ZNF578: variants seen among roughly 807,000 people sequenced by gnomAD.
The protein encoded by ZNF578 is Putative chemokine-related protein B42.
A neutral mutation model predicts 8.3 loss-of-function variants in ZNF578; 8 were observed. The ratio of observed to expected loss-of-function variants is 0.96; its 90% CI spans 0.56 to 1.74. The LOEUF (loss-of-function observed/expected upper bound fraction) is 1.74. Among genes scored for constraint, ZNF578 ranks in the 40% most tolerant of loss-of-function variants. The pLI, the probability that ZNF578 is intolerant of heterozygous loss-of-function variation, is 0.00. For synonymous variants in ZNF578, 206 were observed against 232.2 expected (o/e 0.89, Z 1.03); for missense variants, 726 against 707.5 (o/e 1.03, Z -0.30).
chr19:52,496,572 G>A (rs1484144347), intron 3 of ZNF578, among the ~76,000 whole-genome samples: 4 of 146,420 alleles, frequency 2.7e-5, no homozygotes, highest in Middle Eastern at 3.7e-3. Flanking sequence ...CTCGTGATCC[G>A]CCCGCCTCAG....
At chr19:52,481,817 A>G (rs1380178594) in intron 2 of ZNF578, among the ~76,000 whole-genome samples, 4 of 151,568 alleles carry the variant, frequency 2.6e-5, no homozygotes, top group Admixed American at 2.0e-4. Flanking sequence ...TGCAGCCTTG[A>G]CCTGCTAGGC....
chr19:52,456,516 G>A (rs1331880334), intron 1 of ZNF578: 1 of 152,466 alleles, frequency 6.6e-6, no homozygotes, highest in Non-Finnish European at 1.5e-5. Context: ...CACAGAGAGG[G>A]GAGAGGCTGT....
chr19:52,512,564 A>G lies in ZNF578; in HGVS notation c.*410A>G, dbSNP rs1425595038. Among the ~76,000 whole-genome samples the G allele has an allele frequency of 6.6e-6, 1 of 152,188 alleles. No individual in the cohort carries two copies. The highest frequency in any genetic ancestry group is 6.5e-5 in the Admixed American group (1 of 15,268). ...AGTCAAGCTTCATCCTATGCAAAACATAGGAGAATTCATGCAGGAGAGAAA... is the reference window on the plus strand; with the variant it reads ...AGTCAAGCTTCATCCTATGCAAAACGTAGGAGAATTCATGCAGGAGAGAAA... On this transcript the variant is annotated 3_prime_UTR_variant, in exon 6 of 6. Transcript: ENST00000421239.
chr19:52,490,572 A>G (rs1262748598), intron 2 of ZNF578, among the ~76,000 whole-genome samples: 1 of 152,232 alleles, frequency 6.6e-6, no homozygotes, highest in East Asian at 1.9e-4. Context: ...AGTTAAATTC[A>G]GTAAGTCCCT....
At chr19:52,486,818 T>G (rs1017258836) in intron 2 of ZNF578, among the ~76,000 whole-genome samples, 5 of 151,178 alleles carry the variant, frequency 3.3e-5, no homozygotes, top group Non-Finnish European at 7.4e-5. Flanking sequence ...ATGATTGAAA[T>G]ATTGGGGAGA....
At chr19:52,481,856 G>A (rs1022114391) in intron 2 of ZNF578, among the ~76,000 whole-genome samples, 6 of 151,882 alleles carry the variant, frequency 4.0e-5, no homozygotes, top group East Asian at 1.9e-4. Context: ...TCAGCCTCCC[G>A]AGTAGCTGGG....
In ZNF578 at chr19:52,501,564, G is replaced by A. The variant is rs543560453; in HGVS notation, c.-19-263G>A. 9.2e-4 allele frequency among the ~76,000 whole-genome samples: 140 copies of A among 152,274 alleles called. 1 individual carries two copies. The highest frequency in any genetic ancestry group is 9.1e-3 in the Admixed American group (139 of 15,292). On this transcript the variant is annotated intron_variant, in intron 3 of 5. Transcript: ENST00000421239. ...TCAGGGATGGGTCTGTGCCCTGAAGGAGAGATCAGTCCAGCCCAGCTCCCC... is the reference window on the plus strand; with the variant it reads ...TCAGGGATGGGTCTGTGCCCTGAAGAAGAGATCAGTCCAGCCCAGCTCCCC...
intron 4 of ZNF578, among the ~76,000 whole-genome samples, chr19:52,503,234 G>T (rs1265348623): frequency 1.3e-5 from 2 of 152,178 alleles, no homozygotes; most frequent in Non-Finnish European, 1.5e-5. Context: ...AGGCTGGAGT[G>T]CAGTAATGCA....
At chr19:52,502,047 A>T in intron 4 of ZNF578, 139 bp downstream of exon 4, 3 of 1,344,092 alleles carry the variant, frequency 2.2e-6, no homozygotes, top group Non-Finnish European at 3.0e-6. Context: ...GTTTGCTTGC[A>T]CTCACCCATG....
rs556778715 is a variant in ZNF578, at chr19:52,510,834, T to G, written c.453T>G (p.Pro151=). 1 of 1,614,108 alleles carries G rather than the reference T, an allele frequency of 6.2e-7. No individual in the cohort carries two copies. The highest frequency in any genetic ancestry group is 1.3e-5 in the African/African-American group (1 of 74,946). ...ATCAAAGGCATGCTGGAAACAAGCC[T>G]ATTAAAGATCAGCTTGGATTAAGCT... The part of the protein sequence containing the change: ...RHDQRHAGNK[P]IKDQLGLSFH... The change falls in exon 6 of 6, where the codon CCT becomes CCG. Residue 151 remains proline (P), a synonymous_variant. Transcript: ENST00000421239.
At chr19:52,472,688 C>G (rs898331037) in intron 2 of ZNF578, among the ~76,000 whole-genome samples, 4 of 152,120 alleles carry the variant, frequency 2.6e-5, no homozygotes, top group African/African-American at 9.7e-5. Context: ...CTAAGCCATT[C>G]TGTAAGGAAA....
intron 2 of ZNF578, among the ~76,000 whole-genome samples, chr19:52,477,792 A>G (rs1460368521): frequency 6.6e-6 from 1 of 152,208 alleles, no homozygotes; most frequent in Admixed American, 6.5e-5. Context: ...CTGCATTTGC[A>G]TTCTGAAAAG....
intron 3 of ZNF578, among the ~76,000 whole-genome samples, chr19:52,493,482 C>T (rs2059373995): frequency 2.6e-5 from 4 of 152,308 alleles, no homozygotes; most frequent in Admixed American, 2.0e-4. Context: ...AGGAGTCTTA[C>T]TCCAAACCCG....
At chr19:52,508,664 G>A (rs1400375879) in intron 5 of ZNF578, among the ~76,000 whole-genome samples, 1 of 151,562 alleles carries the variant, frequency 6.6e-6, no homozygotes, top group Non-Finnish European at 1.5e-5. Context: ...GTGTGGTGGT[G>A]AATGCCTGTA....
At chr19:52,465,755 AT>A in intron 2 of ZNF578, among the ~76,000 whole-genome samples, 1 of 152,304 alleles carries the variant, frequency 6.6e-6, no homozygotes, top group South Asian at 2.1e-4. Context: ...TGGCGTACTT[AT>A]ATTCAGTTTG....
chr19:52,489,664 A>T (rs2059358392), intron 2 of ZNF578, among the ~76,000 whole-genome samples: 1 of 151,994 alleles, frequency 6.6e-6, no homozygotes, highest in African/African-American at 2.4e-5. Context: ...CCCATGGAGA[A>T]ATTCTTCTTT....
Position 52,514,305 on chromosome 19 carries a change from T to C in ZNF578, c.*2151T>C, listed in dbSNP as rs2059463716. 6.6e-6 allele frequency among the ~76,000 whole-genome samples: 1 copy of C among 152,194 alleles called. No homozygotes were observed. The highest frequency in any genetic ancestry group is 1.5e-5 in the Non-Finnish European group (1 of 68,040). On this transcript the variant is annotated 3_prime_UTR_variant, in exon 6 of 6. Transcript: ENST00000421239. ...CCGGTTGACCCCAAAATTCGTGAGA[T>C]TTTTTTCCTACAACAATTTCAAAAG...
chr19:52,507,382 C>T (rs2059429052), intron 5 of ZNF578, among the ~76,000 whole-genome samples: 1 of 151,758 alleles, frequency 6.6e-6, no homozygotes, highest in Non-Finnish European at 1.5e-5. Flanking sequence ...AGTTAGATTC[C>T]GTTTGCCACA....
At chr19:52,488,273 A>G (rs1243428475) in intron 2 of ZNF578, among the ~76,000 whole-genome samples, 3 of 151,278 alleles carry the variant, frequency 2.0e-5, no homozygotes, top group Non-Finnish European at 4.4e-5. Flanking sequence ...TAAAAGGGAC[A>G]TTAGGCTGCG....
Sources: gnomAD v4.1 joint callset for allele counts (sites outside exome capture counted in the v4.1 genomes callset) on GRCh38, gnomAD v4.1.1 for gene constraint, MANE v1.5 for transcripts, NCBI Gene and HGNC (gene_info 2026-07-23, HGNC 2026-07-21) for gene names.